Variants in C1orf21 observed in about 807,000 individuals in gnomAD.
The protein encoded by C1orf21 is uncharacterized protein C1orf21.
In C1orf21, 3 loss-of-function variants were observed where a neutral mutation model predicts 18.7. That is an observed-to-expected ratio of 0.16 (90% CI 0.07 to 0.42). C1orf21 has a LOEUF of 0.42. Ranked by LOEUF, C1orf21 falls within the 10% of genes least tolerant of loss-of-function variation. The pLI is 0.99. For synonymous variants in C1orf21, 41 were observed against 46.4 expected, an observed-to-expected ratio of 0.88 and a Z score of 0.47; for missense variants, 104 against 143.6, an observed-to-expected ratio of 0.72 and a Z score of 1.41.
At position 184,531,174 on chromosome 1, in the gene C1orf21, C is replaced by T. The variant is rs1040488966; in HGVS notation, c.189+23492C>T. Among the ~76,000 whole-genome samples, 5 of 152,302 alleles carry T rather than the reference C, an allele frequency of 3.3e-5. No homozygotes were observed. The East Asian group carries it at 9.7e-4, about 29-fold the overall frequency. On this transcript the variant is annotated intron_variant, in intron 3 of 5. Transcript: ENST00000235307. ...TTCTGCTTACAAATATAAGAGAACACAGAGCATTTCCCATCTTTACACCAC... is the reference window on the plus strand; with the variant it reads ...TTCTGCTTACAAATATAAGAGAACATAGAGCATTTCCCATCTTTACACCAC...
intron 1 of C1orf21, among the ~76,000 whole-genome samples, chr1:184,436,308 T>C (rs1218285192): frequency 6.6e-6 from 1 of 152,146 alleles, no homozygotes; most frequent in Non-Finnish European, 1.5e-5. Context: ...CTCTTTTCTT[T>C]ATGAAGTGCA....
chr1:184,494,641 T>C (rs564796539), intron 2 of C1orf21, among the ~76,000 whole-genome samples: 3 of 152,010 alleles, frequency 2.0e-5, no homozygotes, highest in Admixed American at 2.0e-4. Flanking sequence ...CAGTGGGAGG[T>C]AGAATTTTGT....
chr1:184,507,676 A>G lies in C1orf21; in HGVS notation c.183A>G (p.Glu61=). The G allele has an allele frequency of 6.3e-7, 1 of 1,585,184 alleles. No individual in the cohort carries two copies. The highest frequency in any genetic ancestry group is 8.5e-7 in the Non-Finnish European group (1 of 1,171,208). The change falls in exon 3 of 6, where the codon GAA becomes GAG. Residue 61 remains glutamate (E), a synonymous_variant. Transcript: ENST00000235307. ...EEQKIAARNQ[E]NLEKSASSNV... ...AGAAAATAGCAGCCAGGAACCAAGAAAACTTGGTAAGAATTGATTTTCTCA... is the reference window on the plus strand; with the variant it reads ...AGAAAATAGCAGCCAGGAACCAAGAGAACTTGGTAAGAATTGATTTTCTCA...
chr1:184,454,615 G>A (rs115299953), intron 1 of C1orf21, among the ~76,000 whole-genome samples: 18 of 152,182 alleles, frequency 1.2e-4, no homozygotes, highest in Middle Eastern at 3.4e-3. Context: ...TGCCGTTCTC[G>A]TGGTAGAGTT....
intron 1 of C1orf21, among the ~76,000 whole-genome samples, chr1:184,394,350 G>T (rs1014543784): frequency 1.3e-5 from 2 of 151,982 alleles, no homozygotes; most frequent in Admixed American, 6.5e-5. Context: ...ATTTTACTTT[G>T]CCTGGTGACT....
At chr1:184,540,616 G>C (rs1003144297) in intron 3 of C1orf21, among the ~76,000 whole-genome samples, 16 of 151,902 alleles carry the variant, frequency 1.1e-4, no homozygotes, top group African/African-American at 3.6e-4. Flanking sequence ...TTTTTAGTAG[G>C]GACAGGGTTT....
chr1:184,564,946 A>T (rs1212682349), intron 3 of C1orf21, among the ~76,000 whole-genome samples: 1 of 152,200 alleles, frequency 6.6e-6, no homozygotes, highest in African/African-American at 2.4e-5. Context: ...GTAGAAAGGA[A>T]GGAGACCTGG....
intron 1 of C1orf21, among the ~76,000 whole-genome samples, chr1:184,410,621 A>T (rs1247803090): frequency 4.5e-4 from 2 of 4,410 alleles, no homozygotes; most frequent in Non-Finnish European, 5.9e-4. Flanking sequence ...TATATATTAT[A>T]TATATATATA....
rs968463753 is a variant in C1orf21, at chr1:184,549,672, G to T, written c.190-41067G>T. On this transcript the variant is annotated intron_variant, in intron 3 of 5. Transcript: ENST00000235307. ...AAAAATTCAGGAGTGGAGCAGCAGG[G>T]AAGGAAGGGACTGCCAACCAGGCAG... is the stretch of plus-strand genomic sequence containing the variant. 4.6e-5 allele frequency among the ~76,000 whole-genome samples: 7 copies of T among 151,992 alleles called. 1 individual carries two copies. The East Asian group carries it at 1.2e-3, about 25-fold the overall frequency.
At chr1:184,590,716 A>G (rs1659424975) in intron 3 of C1orf21, 23 bp from the exon 4 acceptor site, 2 of 1,589,568 alleles carry the variant, frequency 1.3e-6, no homozygotes, top group Non-Finnish European at 1.7e-6. Context: ...TGTCTTTCAC[A>G]TGTCTGTGTT....
In C1orf21 at chr1:184,620,582, C is replaced by A. The variant is rs915954768; in HGVS notation, c.*1026C>A. ...ATAAACCATCCTATTTTGTAACTCT[C>A]CCCCTTCAAAATGCTACATGAGCCT... On this transcript the variant is annotated 3_prime_UTR_variant, in exon 6 of 6. Coordinates refer to ENST00000235307, the MANE Select transcript of C1orf21 (RefSeq NM_030806.4). 3.3e-5 allele frequency: 5 copies of A among 152,614 alleles called. No homozygotes were observed. Among genetic ancestry groups the A allele is most frequent in the Non-Finnish European group, 7.3e-5 (5 of 68,038 alleles). The allele number at this position is 152,614 out of a possible 1,614,324, so 9.5% of individuals were successfully genotyped here.
intron 3 of C1orf21, among the ~76,000 whole-genome samples, chr1:184,528,515 G>A (rs890539714): frequency 6.6e-6 from 1 of 152,194 alleles, no homozygotes; most frequent in African/African-American, 2.4e-5. Context: ...TGCAATCTCA[G>A]CTCACTGCAA....
chr1:184,399,356 A>ATTT (rs59376994), intron 1 of C1orf21, among the ~76,000 whole-genome samples: 1 of 79,078 alleles, frequency 1.3e-5, no homozygotes, highest in Non-Finnish European at 2.6e-5. Flanking sequence ...ATGTACTTCT[A>ATTT]TTTTTTTTTT....
chr1:184,416,930 T>TA (rs1656462209), intron 1 of C1orf21, among the ~76,000 whole-genome samples: 1 of 152,218 alleles, frequency 6.6e-6, no homozygotes, highest in Non-Finnish European at 1.5e-5. Context: ...TGGTCACACT[T>TA]ACTTGACGAT....
At chr1:184,609,622 G>C (rs1426591311) in intron 5 of C1orf21, among the ~76,000 whole-genome samples, 2 of 152,146 alleles carry the variant, frequency 1.3e-5, no homozygotes, top group African/African-American at 4.8e-5. Context: ...CATCTTAACT[G>C]TTACACTTGA....
intron 1 of C1orf21, among the ~76,000 whole-genome samples, chr1:184,472,026 G>A (rs540198453): frequency 1.3e-5 from 2 of 152,244 alleles, no homozygotes; most frequent in Non-Finnish European, 2.9e-5. Context: ...TTCAAGATTA[G>A]AAATCACTTT....
In C1orf21 at chr1:184,617,892, TTTG is replaced by T. The variant is rs369232122; in HGVS notation, c.328-1614_328-1612del. ...GCCTGAAGACTTCATTGTGTGGCAG[TTTG>T]TTGTTGTTGTTTTTTTTTTTTTTTT... On this transcript the variant is annotated intron_variant, in intron 5 of 5. Coordinates refer to ENST00000235307, the MANE Select transcript of C1orf21 (RefSeq NM_030806.4). 4.4e-3 allele frequency among the ~76,000 whole-genome samples: 636 copies of T among 144,168 alleles called. 20 individuals carry two copies. The highest frequency in any genetic ancestry group is 7.2e-3 in the Middle Eastern group (2 of 276). 94.6% of individuals were successfully genotyped at this position (144,168 alleles called of 152,430 possible). A position where few individuals can be genotyped will look rare whatever the true frequency, so the allele number is the denominator to read the frequency against.
chr1:184,473,447 C>T (rs771630106), intron 1 of C1orf21, among the ~76,000 whole-genome samples: 11 of 150,506 alleles, frequency 7.3e-5, no homozygotes, highest in Non-Finnish European at 8.9e-5. Context: ...CTGAGCAAAG[C>T]GAATGAAAAA....
intron 3 of C1orf21, among the ~76,000 whole-genome samples, chr1:184,558,743 A>C (rs1216964924): frequency 1.3e-5 from 2 of 152,228 alleles, no homozygotes; most frequent in African/African-American, 2.4e-5. Context: ...TAATAATAGT[A>C]ACAGTAGCAA....
Sources: allele counts gnomAD v4.1 joint callset (sites outside exome capture counted in the v4.1 genomes callset), GRCh38; gene constraint gnomAD v4.1.1; transcripts MANE v1.5; gene names NCBI Gene and HGNC (gene_info 2026-07-23, HGNC 2026-07-21).